The following CDH13 variants were observed in gnomAD, a reference collection of about 807,000 sequenced individuals.
The protein encoded by CDH13 is cadherin 13.
A neutral mutation model predicts 63.8 loss-of-function variants in CDH13; 24 were observed. The ratio of observed to expected loss-of-function variants is 0.38; its 90% CI spans 0.27 to 0.53. CDH13 has a LOEUF of 0.53. CDH13 is among the 20% of genes least tolerant of loss of function. The pLI is 0.85. For synonymous variants in CDH13, 503 were observed against 355.3 expected, an observed-to-expected ratio of 1.42 and a Z score of -4.67; for missense variants, 1,049 against 903.1, an observed-to-expected ratio of 1.16 and a Z score of -2.07.
chr16:83,124,043 T>TTTTGTTTG (rs140637969), intron 3 of CDH13, among the ~76,000 whole-genome samples: 1 of 151,958 alleles, frequency 6.6e-6, no homozygotes, highest in East Asian at 1.9e-4. Flanking sequence ...CCCCACTTTC[T>TTTTGTTTG]TTTGTTTGTT....
At chr16:83,319,640 T>A (rs1375905399) in intron 5 of CDH13, among the ~76,000 whole-genome samples, 1 of 152,146 alleles carries the variant, frequency 6.6e-6, no homozygotes, top group African/African-American at 2.4e-5. Context: ...ACAAAACTAG[T>A]GATAAAGGAG....
intron 3 of CDH13, among the ~76,000 whole-genome samples, chr16:83,037,294 CAA>C (rs1417322746): frequency 6.6e-6 from 1 of 152,118 alleles, no homozygotes. Context: ...GGAACCTTGC[CAA>C]GAGACTCTAA....
At chr16:83,032,682 A>G (rs906307943) in intron 3 of CDH13, among the ~76,000 whole-genome samples, 1 of 152,072 alleles carries the variant, frequency 6.6e-6, no homozygotes, top group African/African-American at 2.4e-5. Flanking sequence ...CGTAGGTTAG[A>G]TCATGTGTCC....
intron 4 of CDH13, among the ~76,000 whole-genome samples, chr16:83,148,164 C>T (rs1315499976): frequency 1.3e-5 from 2 of 152,194 alleles, no homozygotes; most frequent in African/African-American, 4.8e-5. Flanking sequence ...TCCTGAACTC[C>T]TGACCTCAAG....
chr16:83,118,278 A>C (rs1371533361), intron 3 of CDH13, among the ~76,000 whole-genome samples: 1 of 152,192 alleles, frequency 6.6e-6, no homozygotes, highest in African/African-American at 2.4e-5. Context: ...TGTGTTCAGC[A>C]CACTGGAAGT....
chr16:83,752,742 A>C (rs1913188406), intron 11 of CDH13, among the ~76,000 whole-genome samples: 1 of 152,238 alleles, frequency 6.6e-6, no homozygotes, highest in South Asian at 2.1e-4. Flanking sequence ...TTCTACATAT[A>C]CAAAATGAAG....
chr16:83,212,030 G>A (rs898856963), intron 4 of CDH13, among the ~76,000 whole-genome samples: 18 of 152,322 alleles, frequency 1.2e-4, no homozygotes, highest in African/African-American at 4.3e-4. Flanking sequence ...TGCTGCAACA[G>A]TCGAGACTCG....
chr16:83,709,360 C>T (rs1907652678), intron 10 of CDH13, among the ~76,000 whole-genome samples: 1 of 152,212 alleles, frequency 6.6e-6, no homozygotes, highest in Admixed American at 6.5e-5. Flanking sequence ...CCTTCATCTA[C>T]TTTCTCTTCC....
At chr16:83,372,257 T>C (rs1597856085) in intron 6 of CDH13, among the ~76,000 whole-genome samples, 1 of 152,202 alleles carries the variant, frequency 6.6e-6, no homozygotes, top group East Asian at 1.9e-4. Flanking sequence ...GCTCAACTAG[T>C]GACAGGTGAA....
chr16:82,652,325 G>A (rs1339901695), intron 1 of CDH13, among the ~76,000 whole-genome samples: 2 of 152,218 alleles, frequency 1.3e-5, no homozygotes, highest in Non-Finnish European at 2.9e-5. Context: ...TTTCTCACCT[G>A]GGCCAGGATT....
rs867857666 is a variant in CDH13, at chr16:83,643,386, T to C, written c.1102-27404T>C. ...TCGTATATATCAAGTTCTACTTTTT[T>C]ATTTACAAACGTGTGATCACACTCT... On this transcript the variant is annotated intron_variant, in intron 8 of 13. Coordinates refer to ENST00000567109, the MANE Select transcript of CDH13 (RefSeq NM_001257.5). Among the ~76,000 whole-genome samples the C allele has an allele frequency of 8.6e-5, 13 of 151,790 alleles. No homozygotes were observed. In the South Asian group the frequency reaches 1.7e-3, roughly 19 times the overall value.
intron 5 of CDH13, among the ~76,000 whole-genome samples, chr16:83,328,278 A>C (rs2090411010): frequency 6.6e-6 from 1 of 152,190 alleles, no homozygotes; most frequent in Non-Finnish European, 1.5e-5. Context: ...TAGTTCTCAG[A>C]ATTTATGAGT....
rs372386894 is a variant in CDH13 at position 83,726,709 on chromosome 16, G to T, written c.1539-21399G>T. Among the ~76,000 whole-genome samples the T allele has an allele frequency of 3.2e-3, 483 of 152,226 alleles. 2 individuals carry two copies. The highest frequency in any genetic ancestry group is 0.011 in the African/African-American group (469 of 41,542). On this transcript the variant is annotated intron_variant, in intron 10 of 13. Transcript: ENST00000567109. ...AAAAATTAGCCGAGCGTGGAGGCGG[G>T]CCCCTGTAGTCCCAGCTACTCGCGA...
intron 2 of CDH13, among the ~76,000 whole-genome samples, chr16:83,000,351 C>G (rs997942643): frequency 7.3e-5 from 10 of 136,982 alleles, no homozygotes; most frequent in African/African-American, 2.7e-4. Flanking sequence ...CAGGTTCAAG[C>G]AATTGTCTTG....
At chr16:83,198,116 C>T (rs115275644) in intron 4 of CDH13, among the ~76,000 whole-genome samples, 1,606 of 152,042 alleles carry the variant, frequency 0.011, 29 homozygotes, top group African/African-American at 0.037. Flanking sequence ...TGCTTTCTAC[C>T]TTTTACTTTA....
At chr16:83,109,840 C>T (rs9922131) in intron 3 of CDH13, among the ~76,000 whole-genome samples, 35,150 of 152,026 alleles carry the variant, frequency 0.23, 4,586 homozygotes, top group African/African-American at 0.34. Flanking sequence ...TGTGGTTGAA[C>T]GGGCTTCCGA....
At chr16:83,662,835 G>T (rs1243891833) in intron 8 of CDH13, among the ~76,000 whole-genome samples, 2 of 152,174 alleles carry the variant, frequency 1.3e-5, no homozygotes, top group Non-Finnish European at 2.9e-5. Context: ...TGAAAATGAG[G>T]TTGTTGATGG....
intron 3 of CDH13, among the ~76,000 whole-genome samples, chr16:83,083,231 T>C (rs1382385974): frequency 6.6e-6 from 1 of 152,260 alleles, no homozygotes; most frequent in Non-Finnish European, 1.5e-5. Context: ...CTCAAAATAC[T>C]CTTGGGAGAA....
At chr16:83,288,218 A>T (rs933892408) in intron 5 of CDH13, among the ~76,000 whole-genome samples, 2 of 152,194 alleles carry the variant, frequency 1.3e-5, no homozygotes, top group African/African-American at 2.4e-5. Context: ...CATCTCCTCT[A>T]GCCCAGCCCC....
Sources: allele counts gnomAD v4.1 joint callset (sites outside exome capture counted in the v4.1 genomes callset), GRCh38; gene constraint gnomAD v4.1.1; transcripts MANE v1.5; gene names NCBI Gene and HGNC (gene_info 2026-07-23, HGNC 2026-07-21).